The following MYO9A variants were observed in gnomAD, a reference collection of about 807,000 sequenced individuals.
The protein encoded by MYO9A is unconventional myosin-IXa.
Under a neutral mutation model 293.3 loss-of-function variants are expected in MYO9A, and 103 were observed. The ratio of observed to expected loss-of-function variants is 0.35; its 90% CI spans 0.30 to 0.41. The LOEUF is 0.41. Among genes scored for constraint, MYO9A ranks in the 10% least tolerant of loss-of-function variants. The pLI, the probability that MYO9A is intolerant of heterozygous loss-of-function variation, is 1.00. For synonymous variants in MYO9A, 1,001 were observed against 1,035.7 expected (o/e 0.97, Z 0.64); for missense variants, 2,685 against 3,033.0 (o/e 0.89, Z 2.69).
intron 39 of MYO9A, among the ~76,000 whole-genome samples, chr15:71,836,257 G>A (rs962113862): frequency 1.3e-5 from 2 of 151,674 alleles, no homozygotes; most frequent in Admixed American, 6.6e-5. Flanking sequence ...TACAGAAATG[G>A]CCAACATGTA....
chr15:71,830,973 CTTTTTTTTTTTTTT>C (rs67440366), intron 39 of MYO9A, among the ~76,000 whole-genome samples: 1 of 103,080 alleles, frequency 9.7e-6, no homozygotes, highest in Non-Finnish European at 1.9e-5. Flanking sequence ...CTGCTTCTTC[CTTTTTTTTTTTTTT>C]TTTTTTTTTT....
At chr15:72,069,863 A>G (rs2079132693) in intron 1 of MYO9A, among the ~76,000 whole-genome samples, 1 of 151,824 alleles carries the variant, frequency 6.6e-6, no homozygotes, top group Non-Finnish European at 1.5e-5. Flanking sequence ...CACGCCTGTA[A>G]TCCCAGCACT....
At position 71,898,233 on chromosome 15, in the gene MYO9A, G is replaced by A. The variant is rs763721427; in HGVS notation, c.4270C>T (p.Pro1424Ser). ...TTTGTTTTCAGTGGGTCTTGTTGGG[G>A]GATATAAAAAAAAGTAGGTAGACTA... ...SNSLPTFFYIPQQDPLKTNSQ... is the reference protein window; with the variant it reads ...SNSLPTFFYISQQDPLKTNSQ... The change falls in exon 25 of 42, where the codon CCC becomes TCC. Residue 1424 changes from proline to serine, a missense_variant. Around this residue, in one of 10 missense-constraint regions of MYO9A, gnomAD observed 1,434 missense variants for 1,497.7 expected, o/e 0.96. Transcript: ENST00000356056. 6.2e-7 allele frequency: 1 copy of A among 1,613,808 alleles called. No homozygotes were observed. The highest frequency in any genetic ancestry group is 1.7e-5 in the Admixed American group (1 of 59,968).
intron 3 of MYO9A, 88 bp downstream of exon 3, chr15:72,032,406 G>T: frequency 1.3e-6 from 1 of 781,112 alleles, no homozygotes; most frequent in Non-Finnish European, 1.9e-6. Context: ...CCAATGTCTG[G>T]GAATGAACAA....
At chr15:71,958,038 G>C (rs1596281694) in intron 14 of MYO9A, among the ~76,000 whole-genome samples, 1 of 152,196 alleles carries the variant, frequency 6.6e-6, no homozygotes, top group East Asian at 1.9e-4. Flanking sequence ...GTCCACTGAA[G>C]TTTTTAATTA....
chr15:71,977,430 T>G (rs184255031), intron 12 of MYO9A, among the ~76,000 whole-genome samples: 59 of 152,216 alleles, frequency 3.9e-4, no homozygotes, highest in African/African-American at 1.3e-3. Flanking sequence ...ACAGACAAGA[T>G]TTCACCATGT....
In MYO9A at chr15:71,898,891, T is replaced by G; in HGVS notation, c.3612A>C (p.Lys1204Asn). 1 of 1,614,124 alleles carries G rather than the reference T, an allele frequency of 6.2e-7. No individual in the cohort carries two copies. Among genetic ancestry groups the G allele is most frequent in the East Asian group, 2.2e-5 (1 of 44,882 alleles). ...TTACAGATTTACATTCCTCTATGGC[T>G]TTTATTCTGTTGTCAAAAGAACAAT... ...WEDCSFDNRI[K>N]AIEECKSVIE... Residue 1204 changes from lysine to asparagine, a missense_variant, in exon 25 of 42, where the codon AAA (lysine) becomes AAC (asparagine). Physicochemically the swap from Lys to Asn is moderately conservative, Grantham distance 94 (BLOSUM62 0). Transcript: ENST00000356056.
At chr15:71,987,799 A>G (rs562818019) in intron 11 of MYO9A, among the ~76,000 whole-genome samples, 1 of 152,252 alleles carries the variant, frequency 6.6e-6, no homozygotes, top group East Asian at 1.9e-4. Flanking sequence ...ACTCAACTGA[A>G]CTTAACAAGT....
chr15:71,882,544 G>A (rs1431143965), intron 28 of MYO9A, among the ~76,000 whole-genome samples: 1 of 152,146 alleles, frequency 6.6e-6, no homozygotes, highest in Non-Finnish European at 1.5e-5. Context: ...GCTGAGGTGG[G>A]AGGATAGGTT....
chr15:72,113,232 G>A (rs2080846592), intron 1 of MYO9A, among the ~76,000 whole-genome samples: 1 of 152,106 alleles, frequency 6.6e-6, no homozygotes, highest in Non-Finnish European at 1.5e-5. Flanking sequence ...TGTGCTACAG[G>A]AGCACATAAG....
intron 1 of MYO9A, among the ~76,000 whole-genome samples, chr15:72,113,723 C>T (rs529481684): frequency 2.5e-4 from 38 of 152,224 alleles, no homozygotes; most frequent in African/African-American, 9.1e-4. Context: ...TTTCCTGATA[C>T]CCATATATAC....
chr15:72,074,894 G>C lies in MYO9A; in HGVS notation c.-71-28260C>G, dbSNP rs28450424. 5.7e-3 allele frequency among the ~76,000 whole-genome samples: 841 copies of C among 148,640 alleles called. 11 individuals are homozygous for C. The highest frequency in any genetic ancestry group is 0.02 in the African/African-American group (794 of 40,484). On this transcript the variant is annotated intron_variant, in intron 1 of 41. Transcript: ENST00000356056. ...GTTTAGTCCCTTTTTTGATCTGTCTGAGGAATTAGCATGTCTTTTCTCAGG... is the reference window on the plus strand; with the variant it reads ...GTTTAGTCCCTTTTTTGATCTGTCTCAGGAATTAGCATGTCTTTTCTCAGG...
At chr15:72,015,878 C>T (rs985464226) in intron 6 of MYO9A, among the ~76,000 whole-genome samples, 6 of 151,702 alleles carry the variant, frequency 4.0e-5, no homozygotes, top group African/African-American at 1.5e-4. Flanking sequence ...TTAGTAGAGA[C>T]GGGGTTTCAC....
intron 9 of MYO9A, among the ~76,000 whole-genome samples, chr15:71,997,340 G>T (rs765875282): frequency 6.6e-6 from 1 of 152,058 alleles, no homozygotes; most frequent in East Asian, 1.9e-4. Context: ...GGTGGCTCAC[G>T]CCTGTAATCC....
At chr15:72,083,762 C>A (rs2079624041) in intron 1 of MYO9A, among the ~76,000 whole-genome samples, 1 of 152,090 alleles carries the variant, frequency 6.6e-6, no homozygotes, top group Non-Finnish European at 1.5e-5. Context: ...ATGGTTTACC[C>A]AAAAGTCAGA....
At chr15:71,936,317 G>A (rs2058642640) in intron 16 of MYO9A, among the ~76,000 whole-genome samples, 1 of 152,106 alleles carries the variant, frequency 6.6e-6, no homozygotes, top group Admixed American at 6.6e-5. Flanking sequence ...ACTGGAAAAG[G>A]TAATGAGGTG....
chr15:71,913,266 T>C (rs548265659), intron 19 of MYO9A, among the ~76,000 whole-genome samples: 3 of 152,308 alleles, frequency 2.0e-5, no homozygotes, highest in African/African-American at 7.2e-5. Flanking sequence ...GCTTGTTTTT[T>C]ATTGTCAAAT....
At chr15:72,022,862 G>A (rs182469077) in intron 4 of MYO9A, among the ~76,000 whole-genome samples, 215 of 152,062 alleles carry the variant, frequency 1.4e-3, no homozygotes, top group African/African-American at 4.6e-3. Context: ...AAAAAATCCA[G>A]TTTTCAACAA....
chr15:72,068,040 T>C, intron 1 of MYO9A, among the ~76,000 whole-genome samples: 1 of 152,338 alleles, frequency 6.6e-6, no homozygotes, highest in East Asian at 1.9e-4. Flanking sequence ...TAATTATAAA[T>C]GATTTTCTTT....
Sources: allele counts gnomAD v4.1 joint callset (sites outside exome capture counted in the v4.1 genomes callset), GRCh38; gene constraint gnomAD v4.1.1; regional missense constraint gnomAD v4.1.1; transcripts MANE v1.5; gene names NCBI Gene and HGNC (gene_info 2026-07-23, HGNC 2026-07-21).